The following PCDH7 variants were observed in gnomAD, a reference collection of about 807,000 sequenced individuals.
The protein encoded by PCDH7 is protocadherin-7.
Under a neutral mutation model 58.9 loss-of-function variants are expected in PCDH7, and 17 were observed. The ratio of observed to expected loss-of-function variants is 0.29; its 90% confidence interval spans 0.20 to 0.43. The LOEUF is 0.43. Among genes scored for constraint, PCDH7 ranks in the 20% least tolerant of loss-of-function variants. PCDH7 has a pLI of 1.00. For synonymous variants in PCDH7, 664 were observed against 616.4 expected (o/e 1.08, Z -1.14); for missense variants, 1,274 against 1,441.0 (o/e 0.88, Z 1.88).
chr4:31,102,398 A>G (rs979635234), intron 3 of PCDH7, among the ~76,000 whole-genome samples: 2 of 152,062 alleles, frequency 1.3e-5, no homozygotes, highest in Non-Finnish European at 2.9e-5. Context: ...ATTTAACGTG[A>G]AAATGAAATG....
At chr4:30,906,862 A>C (rs1741001784) in intron 1 of PCDH7, among the ~76,000 whole-genome samples, 2 of 151,940 alleles carry the variant, frequency 1.3e-5, no homozygotes, top group East Asian at 3.9e-4. Context: ...GTACCTACTA[A>C]AAATACAAAA....
intron 3 of PCDH7, among the ~76,000 whole-genome samples, chr4:30,992,389 T>C (rs2109125446): frequency 6.6e-6 from 1 of 152,310 alleles, no homozygotes; most frequent in South Asian, 2.1e-4. Flanking sequence ...GAGATGATCT[T>C]ACAGGGTGCC....
At chr4:31,032,720 G>A (rs905320193) in intron 3 of PCDH7, among the ~76,000 whole-genome samples, 1 of 147,540 alleles carries the variant, frequency 6.8e-6, no homozygotes, top group Non-Finnish European at 1.5e-5. Flanking sequence ...GGGAGGGAGG[G>A]AAAGAGTACA....
At chr4:31,094,667 T>C (rs374666735) in intron 3 of PCDH7, among the ~76,000 whole-genome samples, 234 of 106,564 alleles carry the variant, frequency 2.2e-3, no homozygotes, top group African/African-American at 0.017. Flanking sequence ...GGGGAGAGCA[T>C]TAGCAAAAAC....
intron 3 of PCDH7, among the ~76,000 whole-genome samples, chr4:31,011,424 G>A (rs956341320): frequency 6.6e-6 from 1 of 151,936 alleles, no homozygotes; most frequent in Non-Finnish European, 1.5e-5. Context: ...CATGTGTCTA[G>A]TGAAGTATCT....
exon 1 of PCDH7, chr4:30,724,365 G>T: frequency 1.9e-6 from 3 of 1,613,874 alleles, no homozygotes; most frequent in Non-Finnish European, 2.5e-6. Context: ...GGCGATACAG[G>T]TCCGTTAATG....
intron 1 of PCDH7, among the ~76,000 whole-genome samples, chr4:30,756,547 A>G (rs1719335192): frequency 6.6e-6 from 1 of 152,186 alleles, no homozygotes. Flanking sequence ...TGACACCCCG[A>G]ATACGGTACA....
chr4:30,730,719 T>C, intron 1 of PCDH7: 2 of 1,515,122 alleles, frequency 1.3e-6, no homozygotes, highest in African/African-American at 2.8e-5. Context: ...CGATTTTTTT[T>C]TACCTGCATA....
chr4:31,043,626 TG>T (rs1756059834), intron 3 of PCDH7, among the ~76,000 whole-genome samples: 1 of 152,184 alleles, frequency 6.6e-6, no homozygotes, highest in African/African-American at 2.4e-5. Flanking sequence ...CACTTTTTAA[TG>T]GGGTTTTTTG....
chr4:31,049,146 C>T (rs1282612676), intron 3 of PCDH7, among the ~76,000 whole-genome samples: 1 of 152,026 alleles, frequency 6.6e-6, no homozygotes, highest in Non-Finnish European at 1.5e-5. Context: ...CTATCCCTCC[C>T]CACTCCTCCC....
At chr4:31,079,687 T>C (rs537223337) in intron 3 of PCDH7, among the ~76,000 whole-genome samples, 2 of 152,140 alleles carry the variant, frequency 1.3e-5, no homozygotes, top group East Asian at 3.9e-4. Context: ...ACATTAATTC[T>C]TCTCTTACAT....
intron 1 of PCDH7, among the ~76,000 whole-genome samples, chr4:30,847,150 G>A (rs189426518): frequency 0.014 from 2,085 of 150,170 alleles, 21 homozygotes; most frequent in Non-Finnish European, 0.022. Context: ...AAAAAAAAAA[G>A]AATGCATTTT....
At chr4:30,891,241 G>A (rs1738566385) in intron 1 of PCDH7, among the ~76,000 whole-genome samples, 1 of 152,038 alleles carries the variant, frequency 6.6e-6, no homozygotes, top group Non-Finnish European at 1.5e-5. Flanking sequence ...CCAGGAATAG[G>A]AGAATACATT....
chr4:31,122,725 C>A (rs2109325727), intron 3 of PCDH7, among the ~76,000 whole-genome samples: 2 of 151,114 alleles, frequency 1.3e-5, no homozygotes, highest in African/African-American at 2.4e-5. Flanking sequence ...CTTTTAATGT[C>A]CCTTTTTTTT....
At chr4:31,140,623 AAG>A (rs1390228233) in intron 3 of PCDH7, among the ~76,000 whole-genome samples, 2 of 151,306 alleles carry the variant, frequency 1.3e-5, no homozygotes, top group Non-Finnish European at 2.9e-5. Context: ...AAAAAAAAAA[AAG>A]AAAAGAAAAA....
At chr4:30,782,315 A>C (rs1722907731) in intron 1 of PCDH7, among the ~76,000 whole-genome samples, 1 of 152,196 alleles carries the variant, frequency 6.6e-6, no homozygotes, top group Non-Finnish European at 1.5e-5. Context: ...AAATGTGAGG[A>C]AACATAATGT....
At chr4:30,869,511 C>A (rs1369890855) in intron 1 of PCDH7, among the ~76,000 whole-genome samples, 1 of 152,116 alleles carries the variant, frequency 6.6e-6, no homozygotes, top group Non-Finnish European at 1.5e-5. Context: ...TCAACTCCTA[C>A]TTATGAATGA....
chr4:30,920,045 T>C (rs772015513), intron 1 of PCDH7, 108 bp from the exon 2 acceptor site: 1 of 679,462 alleles, frequency 1.5e-6, no homozygotes, highest in South Asian at 1.8e-5. Context: ...TCATTTTGTA[T>C]TGAATTAGTT....
downstream of PCDH7, among the ~76,000 whole-genome samples, chr4:30,735,154 C>T (rs1007531289): frequency 4.6e-5 from 7 of 152,052 alleles, no homozygotes; most frequent in Non-Finnish European, 1.0e-4. Flanking sequence ...ATCACAAAAA[C>T]GTACAGGTTT....
Sources: gnomAD v4.1 joint callset for allele counts (sites outside exome capture counted in the v4.1 genomes callset) on GRCh38, gnomAD v4.1.1 for gene constraint, MANE v1.5 for transcripts, NCBI Gene and HGNC (gene_info 2026-07-23, HGNC 2026-07-21) for gene names.